Variants in RFTN2 observed in about 807,000 individuals in gnomAD.
RFTN2 encodes the protein raftlin-2.
A neutral mutation model predicts 52.7 loss-of-function variants in RFTN2; 34 were observed. The ratio of observed to expected loss-of-function variants is 0.64; its 90% CI spans 0.49 to 0.86. The LOEUF is 0.86. Among genes scored for constraint, RFTN2 ranks in the 40% least tolerant of loss-of-function variants. The pLI, the probability that RFTN2 is intolerant of heterozygous loss-of-function variation, is 0.00. For synonymous variants in RFTN2, 203 were observed against 217.7 expected (o/e 0.93, Z 0.59); for missense variants, 536 against 600.1 (o/e 0.89, Z 1.12).
intron 1 of RFTN2, among the ~76,000 whole-genome samples, chr2:197,674,018 T>C (rs1202869097): frequency 6.6e-6 from 1 of 152,170 alleles, no homozygotes; most frequent in African/African-American, 2.4e-5. Flanking sequence ...ATTACAAATA[T>C]TTTCTCAAAT....
At chr2:197,589,433 G>A (rs1471308792) in intron 8 of RFTN2, among the ~76,000 whole-genome samples, 3 of 151,994 alleles carry the variant, frequency 2.0e-5, no homozygotes, top group Admixed American at 2.0e-4. Flanking sequence ...TATCAGCTGC[G>A]TGAAAACGGA....
intron 5 of RFTN2, among the ~76,000 whole-genome samples, chr2:197,624,286 T>C (rs2088316070): frequency 6.6e-6 from 1 of 152,120 alleles, no homozygotes; most frequent in Non-Finnish European, 1.5e-5. Context: ...CAGCATCATA[T>C]GCTAGAGAGA....
chr2:197,640,605 C>G (rs1375904966), intron 3 of RFTN2, among the ~76,000 whole-genome samples: 2 of 151,478 alleles, frequency 1.3e-5, no homozygotes, highest in Non-Finnish European at 1.5e-5. Flanking sequence ...GCGCACGGTG[C>G]GCGCACCCAC....
Position 197,569,235 on chromosome 2 carries a change from A to G in RFTN2, c.*2773T>C, listed in dbSNP as rs1382793289. ...ATCTGGGATCTTGATACCTTTCATT[A>G]TAACTTACAGGTTTTAAAAATTCAC... On this transcript the variant is annotated 3_prime_UTR_variant, in exon 9 of 9. Transcript: ENST00000295049. 1 of 152,250 alleles carries G rather than the reference A, an allele frequency of 6.6e-6. No homozygotes were observed. Among genetic ancestry groups the G allele is most frequent in the African/African-American group, 2.4e-5 (1 of 41,468 alleles). 9.4% of individuals were successfully genotyped at this position (152,250 alleles called of 1,614,324 possible).
chr2:197,617,766 T>C, intron 6 of RFTN2, 34 bp downstream of exon 6: 2 of 1,055,030 alleles, frequency 1.9e-6, no homozygotes, highest in Non-Finnish European at 2.6e-6. Context: ...TATTTATATA[T>C]GTAAAGCTAA....
intron 3 of RFTN2, among the ~76,000 whole-genome samples, chr2:197,638,146 G>A (rs1184704685): frequency 2.8e-5 from 4 of 143,746 alleles, no homozygotes; most frequent in East Asian, 4.1e-4. Context: ...GCTGAGGAGA[G>A]CTTTACTTCC....
intron 7 of RFTN2, among the ~76,000 whole-genome samples, chr2:197,607,412 A>G (rs1170746701): frequency 6.6e-6 from 1 of 151,978 alleles, no homozygotes. Flanking sequence ...GTACACCAAC[A>G]TGGCACATGT....
chr2:197,568,537 C>T lies in RFTN2; in HGVS notation c.*3471G>A, dbSNP rs2087269694. The T allele has an allele frequency of 6.6e-6, 1 of 152,212 alleles. No individual in the cohort carries two copies. Among genetic ancestry groups the T allele is most frequent in the Admixed American group, 6.5e-5 (1 of 15,282 alleles). The allele number at this position is 152,212 out of a possible 1,614,324, so 9.4% of individuals were successfully genotyped here. ...AAATGTTATTTAAATTGATATGTTA[C>T]AAGTTCTGATGAGTAACATTTAGCT... On this transcript the variant is annotated 3_prime_UTR_variant, in exon 9 of 9. Coordinates refer to ENST00000295049, the MANE Select transcript of RFTN2 (RefSeq NM_144629.3).
intron 8 of RFTN2, among the ~76,000 whole-genome samples, chr2:197,581,212 T>G (rs944851328): frequency 4.6e-5 from 7 of 152,224 alleles, no homozygotes; most frequent in African/African-American, 1.7e-4. Context: ...CCATTTTACC[T>G]GTCCCAAAAC....
intron 7 of RFTN2, among the ~76,000 whole-genome samples, chr2:197,603,712 C>A (rs374205368): frequency 6.6e-6 from 1 of 152,032 alleles, no homozygotes; most frequent in African/African-American, 2.4e-5. Context: ...GTCAGGAGTT[C>A]GAGACCAGCC....
intron 5 of RFTN2, among the ~76,000 whole-genome samples, chr2:197,622,913 A>G (rs1400234771): frequency 6.6e-6 from 1 of 152,228 alleles, no homozygotes; most frequent in Non-Finnish European, 1.5e-5. Flanking sequence ...TTTTAAGCCC[A>G]CTATTCAGAC....
intron 7 of RFTN2, among the ~76,000 whole-genome samples, chr2:197,601,910 G>A (rs759023702): frequency 6.6e-6 from 1 of 152,092 alleles, no homozygotes; most frequent in Non-Finnish European, 1.5e-5. Flanking sequence ...ATTAAAGTGT[G>A]ACATAAAAGA....
At chr2:197,580,798 A>T (rs186340667) in intron 8 of RFTN2, among the ~76,000 whole-genome samples, 129 of 152,208 alleles carry the variant, frequency 8.5e-4, no homozygotes, top group African/African-American at 3.1e-3. Flanking sequence ...AAACTCCCCA[A>T]TTCTGGTGCC....
rs149419483 is a variant in RFTN2, at chr2:197,631,605, T to C, written c.719-385A>G. On this transcript the variant is annotated intron_variant, in intron 4 of 8. Transcript: ENST00000295049. ...ATATGAATTGACCTTTTGTTCAACA[T>C]GCCTTTGAAATGTAAATAACCATAT... 6.8e-4 allele frequency among the ~76,000 whole-genome samples: 103 copies of C among 152,350 alleles called. 3 individuals carry two copies. The East Asian group carries it at 0.017, about 25-fold the overall frequency.
chr2:197,652,955 G>C (rs2088844764), intron 1 of RFTN2, among the ~76,000 whole-genome samples: 1 of 152,116 alleles, frequency 6.6e-6, no homozygotes, highest in South Asian at 2.1e-4. Flanking sequence ...TTGGCTATCT[G>C]GAAAAAAATT....
intron 8 of RFTN2, among the ~76,000 whole-genome samples, chr2:197,575,850 A>ATATACATAATATATTTATATATTATATAT (rs2087407085): frequency 8.7e-6 from 1 of 114,516 alleles, no homozygotes; most frequent in Admixed American, 9.6e-5. Flanking sequence ...TATATATTTT[A>ATATACATAATATATTTATATATTATATAT]TATACATAAT....
At chr2:197,583,875 G>A (rs1305691957) in intron 8 of RFTN2, among the ~76,000 whole-genome samples, 1 of 152,084 alleles carries the variant, frequency 6.6e-6, no homozygotes, top group Non-Finnish European at 1.5e-5. Flanking sequence ...AGAACATGTG[G>A]TGTTTGGTTT....
intron 1 of RFTN2, among the ~76,000 whole-genome samples, chr2:197,673,965 A>C (rs1373465465): frequency 1.3e-5 from 2 of 152,208 alleles, no homozygotes; most frequent in Non-Finnish European, 2.9e-5. Context: ...GAGTCCTAAA[A>C]AAAAATTGAT....
intron 8 of RFTN2, among the ~76,000 whole-genome samples, chr2:197,590,873 C>A (rs2087698271): frequency 6.6e-6 from 1 of 152,130 alleles, no homozygotes; most frequent in African/African-American, 2.4e-5. Context: ...ACAGTGTGGA[C>A]CCAAAGAGGG....
Sources: gnomAD v4.1 joint callset for allele counts (sites outside exome capture counted in the v4.1 genomes callset) on GRCh38, gnomAD v4.1.1 for gene constraint, MANE v1.5 for transcripts, NCBI Gene and HGNC (gene_info 2026-07-23, HGNC 2026-07-21) for gene names.